SPRY3: variants seen among roughly 807,000 people sequenced by gnomAD.
SPRY3 encodes the protein sprouty RTK signaling antagonist 3.
SPRY3 carries 15 observed loss-of-function variants against 20.2 expected under a neutral mutation model. The ratio of observed to expected loss-of-function variants is 0.74; its 90% confidence interval spans 0.50 to 1.14. The LOEUF is 1.14. Ranked by LOEUF, SPRY3 falls within the 50% of genes most tolerant of loss-of-function variation. The pLI is 0.00. For missense variants in SPRY3, 364 were observed against 363.9 expected (o/e 1.00, Z 0.00); for synonymous variants, 143 against 136.5 (o/e 1.05, Z -0.33).
Position 155,617,118 on chromosome X carries a change from C to G in SPRY3, c.-441+4471C>G, listed in dbSNP as rs113644758. On this transcript the variant is annotated intron_variant, in intron 1 of 3. Transcript: ENST00000675360. ...GCTCCTCTCACTGCAACCTCCCTCT[C>G]CTCAACCTTGTCCTCACTGTTAGAA... 3.0e-3 allele frequency among the ~76,000 whole-genome samples: 320 copies of G among 105,709 alleles called. 1 individual carries two copies. The highest frequency in any genetic ancestry group is 5.3e-3 in the Non-Finnish European group (274 of 51,642). The allele number at this position is 105,709 out of a possible 115,157, so 91.8% of individuals were successfully genotyped here.
chrX:155,723,427 C>T (rs2091075764), intron 2 of SPRY3, among the ~76,000 whole-genome samples: 1 of 152,160 alleles, frequency 6.6e-6, no homozygotes, highest in East Asian at 1.9e-4. Flanking sequence ...TATTTCTCCA[C>T]ATCCTCTCCA....
chrX:155,687,680 C>T (rs982382459), intron 2 of SPRY3, among the ~76,000 whole-genome samples: 5 of 111,901 alleles, frequency 4.5e-5, no homozygotes, highest in African/African-American at 1.6e-4. Flanking sequence ...ACTTTAAGTC[C>T]AGCAGAATAG....
At position 155,648,066 on chromosome X, in the gene SPRY3, C is replaced by CT. The variant is rs200730085; in HGVS notation, c.-440-8794dup. On this transcript the variant is annotated intron_variant, in intron 1 of 3. Transcript: ENST00000675360. ...TTCTCTAATGAGTAGTGATGATGAGCTTTTTTTATATGTTTGTTAGCCTCA... is the reference window on the plus strand; with the variant it reads ...TTCTCTAATGAGTAGTGATGATGAGCTTTTTTTTATATGTTTGTTAGCCTCA... Among the ~76,000 whole-genome samples the CT allele has an allele frequency of 9.3e-4, 104 of 112,285 alleles. No individual in the cohort carries two copies. The East Asian group carries it at 0.024, about 26-fold the overall frequency.
chrX:155,733,063 A>G (rs2091144630), intron 2 of SPRY3, among the ~76,000 whole-genome samples: 1 of 152,038 alleles, frequency 6.6e-6, no homozygotes, highest in Non-Finnish European at 1.5e-5. Context: ...AACAGTAAAA[A>G]GAATGAATAA....
At chrX:155,639,955 G>A (rs116473760) in intron 1 of SPRY3, among the ~76,000 whole-genome samples, 3,285 of 112,211 alleles carry the variant, frequency 0.029, 110 homozygotes, top group African/African-American at 0.098. Flanking sequence ...GTATTTCACT[G>A]ATAATTAATT....
intron 2 of SPRY3, among the ~76,000 whole-genome samples, chrX:155,753,544 C>G (rs752881473): frequency 6.6e-6 from 1 of 151,984 alleles, no homozygotes; most frequent in African/African-American, 2.4e-5. Context: ...CATTCATGTA[C>G]ATGTTTTTGT....
chrX:155,717,136 G>A (rs1457571043), intron 2 of SPRY3, among the ~76,000 whole-genome samples: 1 of 147,504 alleles, frequency 6.8e-6, no homozygotes, highest in African/African-American at 2.5e-5. Flanking sequence ...TCCAGCCTGG[G>A]TGACAGAGTG....
chrX:155,753,396 T>A (rs751828581), intron 2 of SPRY3, among the ~76,000 whole-genome samples: 1 of 152,032 alleles, frequency 6.6e-6, no homozygotes, highest in Admixed American at 6.6e-5. Context: ...GTTTTCAAGG[T>A]TCATTCATAT....
At chrX:155,752,345 T>C (rs1244356123) in intron 2 of SPRY3, among the ~76,000 whole-genome samples, 4 of 150,756 alleles carry the variant, frequency 2.7e-5, no homozygotes, top group Non-Finnish European at 5.9e-5. Flanking sequence ...CACAAGGAGA[T>C]AAGGCACAAA....
chrX:155,687,896 G>A (rs1320915410), intron 2 of SPRY3, among the ~76,000 whole-genome samples: 1 of 112,457 alleles, frequency 8.9e-6, no homozygotes, highest in African/African-American at 3.2e-5. Flanking sequence ...GGATACAGAG[G>A]GAGAGCATTA....
At chrX:155,768,701 C>T (rs1388923371) in intron 3 of SPRY3, among the ~76,000 whole-genome samples, 1 of 152,134 alleles carries the variant, frequency 6.6e-6, no homozygotes, top group Non-Finnish European at 1.5e-5. Context: ...TCTCTGTATC[C>T]GTGCCTGGGT....
At chrX:155,672,262 T>A (rs2068043164) in intron 2 of SPRY3, among the ~76,000 whole-genome samples, 1 of 110,439 alleles carries the variant, frequency 9.1e-6, no homozygotes, top group Non-Finnish European at 1.9e-5. Context: ...GAAACTACCA[T>A]CAGAGTGAAC....
chrX:155,781,109 G>A (rs2124047415), downstream of SPRY3: 1 of 164,568 alleles, frequency 6.1e-6, no homozygotes, highest in Non-Finnish European at 1.5e-5. Context: ...GAGAGAGAAA[G>A]ATAGAGAGAG....
chrX:155,624,281 T>C (rs2067880318), intron 1 of SPRY3, among the ~76,000 whole-genome samples: 1 of 111,889 alleles, frequency 8.9e-6, no homozygotes, highest in Non-Finnish European at 1.9e-5. Flanking sequence ...TTATTTACAA[T>C]GAGTTTCCTT....
At chrX:155,623,700 G>T (rs969797630) in intron 1 of SPRY3, among the ~76,000 whole-genome samples, 1 of 111,909 alleles carries the variant, frequency 8.9e-6, no homozygotes, top group Non-Finnish European at 1.9e-5. Context: ...GGGTCCAGAC[G>T]CTAGTCCAAT....
Position 155,626,238 on chromosome X carries a change from T to A in SPRY3, c.-441+13591T>A, listed in dbSNP as rs1328636528. ...TTGATTTCCTTATTATTATTGTAAC[T>A]ATCCTAGAGGAGGTGAAGTGGTATC... On this transcript the variant is annotated intron_variant, in intron 1 of 3. Transcript: ENST00000675360. 3.6e-5 allele frequency among the ~76,000 whole-genome samples: 4 copies of A among 111,741 alleles called. No individual in the cohort carries two copies. The Admixed American group carries it at 3.8e-4, about 11-fold the overall frequency.
At chrX:155,767,909 G>C (rs866563953) in intron 2 of SPRY3, 53 bp from the exon 2 acceptor site, 18 of 147,508 alleles carry the variant, frequency 1.2e-4, no homozygotes, top group Non-Finnish European at 1.9e-4. Flanking sequence ...CCGTTTTTTT[G>C]TTTTGTTTTG....
chrX:155,757,887 C>A (rs942880873), intron 2 of SPRY3, among the ~76,000 whole-genome samples: 1 of 152,138 alleles, frequency 6.6e-6, no homozygotes, highest in Non-Finnish European at 1.5e-5. Flanking sequence ...ATTGGATAAA[C>A]AAGTATATAT....
chrX:155,689,947 G>A (rs2068098591), intron 2 of SPRY3, among the ~76,000 whole-genome samples: 1 of 87,178 alleles, frequency 1.1e-5, no homozygotes, highest in Non-Finnish European at 2.1e-5. Context: ...TTTTTGATGT[G>A]GGCATTTAGT....
Sources: gnomAD v4.1 joint callset for allele counts (sites outside exome capture counted in the v4.1 genomes callset) on GRCh38, gnomAD v4.1.1 for gene constraint, MANE v1.5 for transcripts, NCBI Gene and HGNC (gene_info 2026-07-23, HGNC 2026-07-21) for gene names.